MBNL2: variants seen among roughly 807,000 people sequenced by gnomAD.
MBNL2 encodes muscleblind-like protein 2.
A neutral mutation model predicts 41.9 loss-of-function variants in MBNL2; 17 were observed. The observed-to-expected ratio is 0.41, with a 90% CI of 0.28 to 0.61. MBNL2 has a LOEUF of 0.61. Among genes scored for constraint, MBNL2 ranks in the 20% least tolerant of loss-of-function variants. The pLI is 0.35. For synonymous variants in MBNL2, 195 were observed against 182.9 expected, an observed-to-expected ratio of 1.07 and a Z score of -0.53; for missense variants, 336 against 505.6, an observed-to-expected ratio of 0.66 and a Z score of 3.22.
intron 1 of MBNL2, among the ~76,000 whole-genome samples, chr13:97,275,431 G>C (rs1307133458): frequency 1.3e-5 from 2 of 152,102 alleles, no homozygotes; most frequent in African/African-American, 4.8e-5. Flanking sequence ...CTAACTTTTG[G>C]ACTGCTGCCT....
intron 7 of MBNL2, among the ~76,000 whole-genome samples, chr13:97,363,866 C>T (rs886629066): frequency 1.3e-5 from 2 of 152,072 alleles, no homozygotes; most frequent in African/African-American, 2.4e-5. Flanking sequence ...GGCAAAAAGT[C>T]GCCCTCCAGC....
intron 2 of MBNL2, among the ~76,000 whole-genome samples, chr13:97,331,152 A>T (rs2060402872): frequency 6.6e-6 from 1 of 152,276 alleles, no homozygotes; most frequent in South Asian, 2.1e-4. Flanking sequence ...TATCATATAG[A>T]AACATTTATC....
intron 2 of MBNL2, among the ~76,000 whole-genome samples, chr13:97,311,340 AG>A (rs1342751431): frequency 1.3e-5 from 2 of 152,192 alleles, no homozygotes; most frequent in Non-Finnish European, 2.9e-5. Context: ...TTGTTCACCA[AG>A]GTTCTAACTA....
intron 7 of MBNL2, among the ~76,000 whole-genome samples, chr13:97,364,270 TAGG>T (rs1284319998): frequency 1.3e-5 from 2 of 152,204 alleles, no homozygotes; most frequent in Non-Finnish European, 2.9e-5. Context: ...TGAGATTTCC[TAGG>T]AGTTTTGCCA....
the MBNL2 span, among the ~76,000 whole-genome samples, chr13:97,200,413 T>C: frequency 1.5e-4 from 23 of 152,328 alleles, no homozygotes; most frequent in African/African-American, 5.1e-4. Context: ...TTGTGGCAAG[T>C]ACTAACCCAG....
chr13:97,196,960 G>A, the MBNL2 span, among the ~76,000 whole-genome samples: 3,684 of 152,200 alleles, frequency 0.024, 76 homozygotes, highest in Non-Finnish European at 0.041. Context: ...TGTTTACATA[G>A]ACCAAGGGTC....
chr13:97,277,488 T>C (rs2052407217), intron 2 of MBNL2, among the ~76,000 whole-genome samples: 1 of 152,202 alleles, frequency 6.6e-6, no homozygotes, highest in Admixed American at 6.5e-5. Flanking sequence ...CCTAGCCTAT[T>C]CTTGGGTGTT....
chr13:97,216,522 A>T (rs1023448797), upstream of MBNL2, among the ~76,000 whole-genome samples: 1 of 152,206 alleles, frequency 6.6e-6, no homozygotes, highest in South Asian at 2.1e-4. Flanking sequence ...CCCGTCAGCA[A>T]CTTACCTTTC....
the MBNL2 span, among the ~76,000 whole-genome samples, chr13:97,152,259 G>T: frequency 6.6e-6 from 1 of 152,002 alleles, no homozygotes; most frequent in African/African-American, 2.4e-5. Context: ...TTCTAGAATG[G>T]GGAAAAGGCA....
intron 2 of MBNL2, among the ~76,000 whole-genome samples, chr13:97,280,120 T>C (rs1566386995): frequency 6.6e-6 from 1 of 152,242 alleles, no homozygotes; most frequent in Non-Finnish European, 1.5e-5. Context: ...ATCATTTCCC[T>C]TGGAGCAGAG....
chr13:97,149,869 C>A, the MBNL2 span, among the ~76,000 whole-genome samples: 1 of 152,202 alleles, frequency 6.6e-6, no homozygotes, highest in African/African-American at 2.4e-5. Context: ...GCCTCTCCCT[C>A]CTCTCTCTGC....
At chr13:97,198,344 G>A in the MBNL2 span, among the ~76,000 whole-genome samples, 1 of 151,780 alleles carries the variant, frequency 6.6e-6, no homozygotes, top group African/African-American at 2.4e-5. Flanking sequence ...TCTCAAGCCT[G>A]TTGGCCTTCG....
At chr13:97,382,544 G>T (rs1185013067) in intron 8 of MBNL2, among the ~76,000 whole-genome samples, 1 of 152,216 alleles carries the variant, frequency 6.6e-6, no homozygotes, top group African/African-American at 2.4e-5. Context: ...GAAGTATGGT[G>T]TGGAATCACA....
At chr13:97,213,009 A>C in the MBNL2 span, among the ~76,000 whole-genome samples, 1 of 152,158 alleles carries the variant, frequency 6.6e-6, no homozygotes, top group Non-Finnish European at 1.5e-5. Context: ...GAGAAAGGCT[A>C]CTGTGAAGAT....
At chr13:97,227,855 C>A (rs756428279) in intron 1 of MBNL2, among the ~76,000 whole-genome samples, 65 of 152,154 alleles carry the variant, frequency 4.3e-4, no homozygotes, top group Non-Finnish European at 3.5e-4. Context: ...TTTTTCAGCT[C>A]TGACTGCTAG....
chr13:97,156,896 T>C, the MBNL2 span, among the ~76,000 whole-genome samples: 1 of 152,186 alleles, frequency 6.6e-6, no homozygotes, highest in Non-Finnish European at 1.5e-5. Flanking sequence ...TGGTTCCATA[T>C]GAACTTTAAA....
chr13:97,278,897 C>A (rs2152935122), intron 2 of MBNL2, among the ~76,000 whole-genome samples: 1 of 152,278 alleles, frequency 6.6e-6, no homozygotes, highest in South Asian at 2.1e-4. Flanking sequence ...GTCTAAATAC[C>A]TGCTCAACCA....
intron 1 of MBNL2, among the ~76,000 whole-genome samples, chr13:97,238,922 G>A (rs2043782491): frequency 6.6e-6 from 1 of 152,184 alleles, no homozygotes; most frequent in African/African-American, 2.4e-5. Context: ...ACCAGGAAAG[G>A]TGAAAAACAT....
At chr13:97,193,179 AC>A in the MBNL2 span, among the ~76,000 whole-genome samples, 1 of 152,316 alleles carries the variant, frequency 6.6e-6, no homozygotes, top group African/African-American at 2.4e-5. Context: ...GAAAAGAGAA[AC>A]CCAGCAGGTG....
Sources: gnomAD v4.1 joint callset for allele counts (sites outside exome capture counted in the v4.1 genomes callset) on GRCh38, gnomAD v4.1.1 for gene constraint, MANE v1.5 for transcripts, NCBI Gene and HGNC (gene_info 2026-07-23, HGNC 2026-07-21) for gene names.